MICAL3: variants seen among roughly 807,000 people sequenced by gnomAD.
The protein encoded by MICAL3 is microtubule associated monooxygenase, calponin and LIM domain containing 3.
Under a neutral mutation model 207.4 loss-of-function variants are expected in MICAL3, and 62 were observed. The observed-to-expected ratio is 0.30, with a 90% CI of 0.24 to 0.37. The LOEUF (loss-of-function observed/expected upper bound fraction) is 0.37, where lower values mean the gene tolerates loss of function less well. MICAL3 is among the 10% of genes least tolerant of loss of function. The probability of loss-of-function intolerance (pLI) is 1.00; values close to 1 mark genes in which losing one functional copy is unlikely to be tolerated. For missense variants in MICAL3, 2,368 were observed against 2,635.6 expected, an observed-to-expected ratio of 0.90 and a Z score of 2.22; for synonymous variants, 1,077 against 1,069.3, an observed-to-expected ratio of 1.01 and a Z score of -0.14.
At chr22:17,847,649 C>T (rs1456283968) in intron 19 of MICAL3, among the ~76,000 whole-genome samples, 1 of 152,204 alleles carries the variant, frequency 6.6e-6, no homozygotes, top group African/African-American at 2.4e-5. Context: ...CACCTTCCCG[C>T]AAGAATGGCG....
chr22:17,877,023 G>C (rs1459180486), intron 16 of MICAL3, among the ~76,000 whole-genome samples: 32 of 125,182 alleles, frequency 2.6e-4, no homozygotes, highest in Admixed American at 5.0e-4. Context: ...GGTTATGGAG[G>C]TTATGGAGGT....
chr22:17,904,930 G>C, intron 2 of MICAL3, 91 bp from the exon 3 acceptor site: 1 of 970,052 alleles, frequency 1.0e-6, no homozygotes, highest in Non-Finnish European at 1.6e-6. Context: ...ACTCCCTAAA[G>C]CCCCGAAATA....
intron 16 of MICAL3, among the ~76,000 whole-genome samples, chr22:17,876,081 T>C (rs964527647): frequency 4.6e-5 from 7 of 152,146 alleles, no homozygotes; most frequent in African/African-American, 1.4e-4. Flanking sequence ...TTCCACTTAG[T>C]GCTCAGAGAG....
chr22:17,794,495 C>T (rs1361848248), intron 29 of MICAL3, among the ~76,000 whole-genome samples: 2 of 152,280 alleles, frequency 1.3e-5, no homozygotes, highest in Admixed American at 6.5e-5. Context: ...AGGACGCTCA[C>T]ACCTGCGCTC....
intron 16 of MICAL3, among the ~76,000 whole-genome samples, chr22:17,877,881 C>T (rs917306222): frequency 6.6e-6 from 1 of 151,528 alleles, no homozygotes; most frequent in Non-Finnish European, 1.5e-5. Context: ...TTCTGTCGCC[C>T]TGGCTCTGTC....
In MICAL3 at chr22:17,823,679, A is replaced by G. The variant is rs185947551; in HGVS notation, c.3194-619T>C. Among the ~76,000 whole-genome samples, 7 of 152,346 alleles carry G rather than the reference A, an allele frequency of 4.6e-5. No homozygotes were observed. In the East Asian group the frequency reaches 1.3e-3, roughly 29 times the overall value. ...AGGCTACGTGTACAAGGTATATATG[A>G]CACATAAATACATTTCGTGTTTAGA... is the stretch of plus-strand genomic sequence containing the variant. On this transcript the variant is annotated intron_variant, in intron 22 of 31. Coordinates refer to ENST00000441493, the MANE Select transcript of MICAL3 (RefSeq NM_015241.3).
chr22:17,931,123 A>C (rs1489785290), intron 1 of MICAL3, among the ~76,000 whole-genome samples: 3 of 151,830 alleles, frequency 2.0e-5, no homozygotes, highest in Admixed American at 6.6e-5. Flanking sequence ...CTGGACCCCC[A>C]CACCCCCTGG....
At chr22:17,849,211 C>G (rs1158549115) in intron 19 of MICAL3, among the ~76,000 whole-genome samples, 1 of 152,230 alleles carries the variant, frequency 6.6e-6, no homozygotes, top group Non-Finnish European at 1.5e-5. Flanking sequence ...TCACAAATCC[C>G]ACAAGTCCCT....
At chr22:17,977,037 T>C (rs550839797) in intron 1 of MICAL3, among the ~76,000 whole-genome samples, 4 of 152,072 alleles carry the variant, frequency 2.6e-5, no homozygotes, top group Non-Finnish European at 4.4e-5. Flanking sequence ...CGATCTGACC[T>C]TGTGATCCGC....
At chr22:17,811,879 G>A (rs1321513627) in intron 27 of MICAL3, among the ~76,000 whole-genome samples, 1 of 152,158 alleles carries the variant, frequency 6.6e-6, no homozygotes, top group Non-Finnish European at 1.5e-5. Context: ...CGAGTAGTCA[G>A]GACTATAGGC....
rs747017630 is a variant in MICAL3 at position 17,886,077 on chromosome 22, C to A, written c.2068-26G>T. ...CTGGTCAATGCCAACCCCAAAGAAC[C>A]CGGCGCTGTGACAGGAGGCTCCCCC... On this transcript the variant is annotated intron_variant, in intron 15 of 31. Coordinates refer to ENST00000441493, the MANE Select transcript of MICAL3 (RefSeq NM_015241.3). The A allele has an allele frequency of 3.7e-6, 6 of 1,611,514 alleles. No individual in the cohort carries two copies. The South Asian group carries it at 5.5e-5, about 15-fold the overall frequency.
chr22:17,946,644 T>A (rs1175492580), intron 1 of MICAL3, among the ~76,000 whole-genome samples: 1 of 151,992 alleles, frequency 6.6e-6, no homozygotes, highest in Non-Finnish European at 1.5e-5. Flanking sequence ...GGGACACAAA[T>A]CCAAAACCAC....
At chr22:17,850,297 A>G (rs895236428) in intron 19 of MICAL3, among the ~76,000 whole-genome samples, 3 of 146,228 alleles carry the variant, frequency 2.1e-5, no homozygotes, top group African/African-American at 7.7e-5. Flanking sequence ...TGCCGAGGAC[A>G]CCCCTGCAGT....
intron 1 of MICAL3, among the ~76,000 whole-genome samples, chr22:17,997,507 C>G (rs184856677): frequency 2.6e-5 from 4 of 152,298 alleles, no homozygotes; most frequent in African/African-American, 9.6e-5. Flanking sequence ...AATTGTACTG[C>G]AATAGAACAT....
At chr22:17,885,113 C>T (rs933297562) in intron 16 of MICAL3, among the ~76,000 whole-genome samples, 1 of 152,318 alleles carries the variant, frequency 6.6e-6, no homozygotes, top group Non-Finnish European at 1.5e-5. Context: ...GGGAGAGACA[C>T]GCCCTAACCA....
intron 1 of MICAL3, among the ~76,000 whole-genome samples, chr22:17,920,479 C>T (rs1319343876): frequency 1.3e-5 from 2 of 152,190 alleles, no homozygotes; most frequent in African/African-American, 4.8e-5. Flanking sequence ...CAGACGCGTT[C>T]CGGTCTTATC....
chr22:17,948,246 G>A lies in MICAL3; in HGVS notation c.-74-41360C>T, dbSNP rs371647146. Among the ~76,000 whole-genome samples, 96 of 152,356 alleles carry A rather than the reference G, an allele frequency of 6.3e-4. 1 individual carries two copies. The South Asian group carries it at 0.018, about 28-fold the overall frequency. ...CAATCTGCAAGTGCCCCCGCAGGAG[G>A]ATGCGCAAGAGCTGGGGAGGATGTT... On this transcript the variant is annotated intron_variant, in intron 1 of 31. Transcript: ENST00000441493.
rs115386724 is a variant in MICAL3, at chr22:17,953,347, C to T, written c.-74-46461G>A. Among the ~76,000 whole-genome samples, 491 of 152,276 alleles carry T rather than the reference C, an allele frequency of 3.2e-3. 5 individuals are homozygous for T. Among genetic ancestry groups the T allele is most frequent in the African/African-American group, 0.011 (466 of 41,540 alleles). On this transcript the variant is annotated intron_variant, in intron 1 of 31. Coordinates refer to ENST00000441493, the MANE Select transcript of MICAL3 (RefSeq NM_015241.3). Reference sequence around the variant, plus strand: ...TCCCAGCTAATGGATGATCGCACGCCCTTTACTCCTTCCCACCTCTGAAAC... The same window carrying T: ...TCCCAGCTAATGGATGATCGCACGCTCTTTACTCCTTCCCACCTCTGAAAC...
At chr22:17,996,173 C>T (rs1311519488) in intron 1 of MICAL3, among the ~76,000 whole-genome samples, 10 of 148,372 alleles carry the variant, frequency 6.7e-5, no homozygotes, top group Non-Finnish European at 1.0e-4. Context: ...GGCACAGTGG[C>T]TCACACCTGT....
Sources: gnomAD v4.1 joint callset for allele counts (sites outside exome capture counted in the v4.1 genomes callset) on GRCh38, gnomAD v4.1.1 for gene constraint, MANE v1.5 for transcripts, NCBI Gene and HGNC (gene_info 2026-07-23, HGNC 2026-07-21) for gene names.